Variants in NPAS3 observed in about 807,000 individuals in gnomAD.
The protein encoded by NPAS3 is neuronal PAS domain-containing protein 3.
A neutral mutation model predicts 73.1 loss-of-function variants in NPAS3; 14 were observed. The observed-to-expected ratio is 0.19, with a 90% CI of 0.13 to 0.30. NPAS3 has a LOEUF of 0.30. Ranked by LOEUF, NPAS3 falls within the 10% of genes least tolerant of loss-of-function variation. The pLI is 1.00. For synonymous variants in NPAS3, 620 were observed against 541.5 expected (o/e 1.14, Z -2.01); for missense variants, 1,096 against 1,250.0 (o/e 0.88, Z 1.86).
At chr14:33,400,767 G>A (rs989655424) in intron 4 of NPAS3, among the ~76,000 whole-genome samples, 1 of 152,048 alleles carries the variant, frequency 6.6e-6, no homozygotes, top group East Asian at 1.9e-4. Context: ...GGAGTAGTAG[G>A]GGGGCGTGGT....
At chr14:33,799,701 C>A (rs377728917) in intron 11 of NPAS3, 33 bp from the exon 12 acceptor site, 2 of 1,545,320 alleles carry the variant, frequency 1.3e-6, no homozygotes, top group Non-Finnish European at 1.7e-6. Flanking sequence ...TCTCTCTCCG[C>A]CCCCGCCACC....
At chr14:33,050,982 A>G (rs1320425066) in intron 1 of NPAS3, among the ~76,000 whole-genome samples, 10 of 152,332 alleles carry the variant, frequency 6.6e-5, no homozygotes, top group Non-Finnish European at 2.9e-5. Flanking sequence ...AGGTTAAAAG[A>G]GACTAAAGAA....
chr14:33,456,460 A>G (rs922978009), intron 4 of NPAS3, among the ~76,000 whole-genome samples: 6 of 152,110 alleles, frequency 3.9e-5, no homozygotes, highest in African/African-American at 7.2e-5. Context: ...GAAAAAGACT[A>G]TTAGGAAAAT....
intron 3 of NPAS3, among the ~76,000 whole-genome samples, chr14:33,274,544 A>C (rs1179206069): frequency 6.6e-6 from 1 of 152,096 alleles, no homozygotes; most frequent in East Asian, 1.9e-4. Context: ...ACCCTGCCTC[A>C]GTTCAGACCC....
chr14:33,264,355 A>T (rs537117920), intron 3 of NPAS3, among the ~76,000 whole-genome samples: 1 of 152,084 alleles, frequency 6.6e-6, no homozygotes, highest in Non-Finnish European at 1.5e-5. Flanking sequence ...ACACCAACAT[A>T]GCACATGTAT....
chr14:33,211,643 CCTAT>C (rs577419319), intron 2 of NPAS3, among the ~76,000 whole-genome samples: 42 of 152,232 alleles, frequency 2.8e-4, no homozygotes, highest in African/African-American at 5.5e-4. Flanking sequence ...TACTATTTCT[CCTAT>C]CTATCTATCT....
At chr14:33,119,628 T>TA (rs1223439795) in intron 2 of NPAS3, among the ~76,000 whole-genome samples, 5 of 152,116 alleles carry the variant, frequency 3.3e-5, no homozygotes, top group African/African-American at 1.2e-4. Context: ...ATGGAGTGCA[T>TA]AAAATTACCT....
chr14:33,592,478 G>A (rs952213427), intron 5 of NPAS3, among the ~76,000 whole-genome samples: 3 of 152,170 alleles, frequency 2.0e-5, no homozygotes, highest in Non-Finnish European at 4.4e-5. Context: ...GAGTTCGGAG[G>A]AGGCAAAGAA....
chr14:33,720,354 A>G (rs1236938084), intron 6 of NPAS3, among the ~76,000 whole-genome samples: 2 of 152,132 alleles, frequency 1.3e-5, no homozygotes, highest in African/African-American at 4.8e-5. Context: ...CATAAGAGAA[A>G]AGTTGCTCAT....
intron 6 of NPAS3, among the ~76,000 whole-genome samples, chr14:33,724,597 C>T (rs1278786941): frequency 1.3e-5 from 2 of 152,142 alleles, no homozygotes; most frequent in East Asian, 1.9e-4. Context: ...TGTACCACTG[C>T]ACTCTTGCCT....
chr14:33,731,646 A>T (rs1295292062), intron 6 of NPAS3, among the ~76,000 whole-genome samples: 2 of 152,056 alleles, frequency 1.3e-5, no homozygotes, highest in East Asian at 3.9e-4. Context: ...CAGCAACCAC[A>T]CCACCAGCTA....
At chr14:33,428,216 C>T (rs1286801010) in intron 4 of NPAS3, among the ~76,000 whole-genome samples, 3 of 152,042 alleles carry the variant, frequency 2.0e-5, no homozygotes, top group East Asian at 1.9e-4. Context: ...TCCCATTCTA[C>T]CACTTGCTAC....
intron 1 of NPAS3, among the ~76,000 whole-genome samples, chr14:32,941,354 C>CCTTCCTTCTT (rs2036009011): frequency 1.1e-5 from 1 of 93,894 alleles, no homozygotes; most frequent in South Asian, 4.1e-4. Flanking sequence ...CTTCCTTCTT[C>CCTTCCTTCTT]CCAGTTCTGT....
intron 4 of NPAS3, among the ~76,000 whole-genome samples, chr14:33,544,821 AT>A (rs1566989832): frequency 8.5e-5 from 6 of 70,440 alleles, no homozygotes; most frequent in Admixed American, 1.4e-4. Context: ...TGTATATATA[AT>A]ATATATGTGT....
chr14:33,291,110 A>T (rs1338083571), intron 3 of NPAS3, among the ~76,000 whole-genome samples: 1 of 152,024 alleles, frequency 6.6e-6, no homozygotes, highest in African/African-American at 2.4e-5. Flanking sequence ...TTCCATTTTG[A>T]ATTGTAGGTT....
At chr14:33,582,499 T>C (rs2056705288) in intron 5 of NPAS3, among the ~76,000 whole-genome samples, 1 of 152,230 alleles carries the variant, frequency 6.6e-6, no homozygotes. Flanking sequence ...TTTATCTTCT[T>C]AGGTCTATAA....
chr14:33,543,510 TG>T (rs1353574548), intron 4 of NPAS3, among the ~76,000 whole-genome samples: 1 of 152,086 alleles, frequency 6.6e-6, no homozygotes, highest in Non-Finnish European at 1.5e-5. Context: ...TTCCAGTATT[TG>T]GGGGGCATAG....
chr14:33,379,245 C>CAA (rs2140471177), intron 4 of NPAS3, among the ~76,000 whole-genome samples: 2 of 151,560 alleles, frequency 1.3e-5, no homozygotes, highest in African/African-American at 4.8e-5. Flanking sequence ...GCTATTTTAC[C>CAA]AAGTTTTTTG....
At chr14:33,584,412 A>AG (rs112243518) in intron 5 of NPAS3, among the ~76,000 whole-genome samples, 2 of 150,190 alleles carry the variant, frequency 1.3e-5, no homozygotes, top group East Asian at 3.9e-4. Context: ...AAAAAAAAAA[A>AG]GGGGGATCAA....
Sources: gnomAD v4.1 joint callset for allele counts (sites outside exome capture counted in the v4.1 genomes callset) on GRCh38, gnomAD v4.1.1 for gene constraint, MANE v1.5 for transcripts, NCBI Gene and HGNC (gene_info 2026-07-23, HGNC 2026-07-21) for gene names.